Variants in ZNF221 observed in about 807,000 individuals in gnomAD.
ZNF221 encodes zinc finger protein 221.
Under a neutral mutation model 12.6 loss-of-function variants are expected in ZNF221, and 10 were observed. The observed-to-expected ratio is 0.79, with a 90% CI of 0.49 to 1.34. The LOEUF (loss-of-function observed/expected upper bound fraction) is 1.34, where lower values mean the gene tolerates loss of function less well. Ranked by LOEUF, ZNF221 falls within the 40% of genes most tolerant of loss-of-function variation. The pLI, the probability that ZNF221 is intolerant of heterozygous loss-of-function variation, is 0.00. For synonymous variants in ZNF221, 232 were observed against 244.0 expected (o/e 0.95, Z 0.46); for missense variants, 661 against 721.4 (o/e 0.92, Z 0.96).
chr19:43,971,519 C>T (rs454218), downstream of ZNF221, among the ~76,000 whole-genome samples: 117,368 of 151,552 alleles, frequency 0.77, 46,496 homozygotes, highest in Middle Eastern at 0.89. Flanking sequence ...ACCCATCACA[C>T]GTGCAAAGAC....
At position 43,967,510 on chromosome 19, in the gene ZNF221, ACT is replaced by A. The variant is rs1975002825; in HGVS notation, c.*157_*158del. The A allele has an allele frequency of 6.3e-6, 4 of 632,704 alleles. No individual in the cohort carries two copies. The highest frequency in any genetic ancestry group is 3.0e-5 in the Admixed American group (1 of 33,330). 39.2% of individuals were successfully genotyped at this position (632,704 alleles called of 1,614,324 possible). A position where few individuals can be genotyped will look rare whatever the true frequency, so the allele number is the denominator to read the frequency against. On this transcript the variant is annotated 3_prime_UTR_variant, in exon 5 of 5. Coordinates refer to ENST00000587682, the MANE Select transcript of ZNF221 (RefSeq NM_001297588.2). Reference sequence around the variant, plus strand: ...TTTTTTTTTTTTGAGACAGAGTCTCACTCTTTCACCCAGGCCTGACTGCAGTG... The same window carrying A: ...TTTTTTTTTTTTGAGACAGAGTCTCACTTTCACCCAGGCCTGACTGCAGTG...
chr19:43,972,522 A>G (rs548858496), downstream of ZNF221, among the ~76,000 whole-genome samples: 2 of 152,164 alleles, frequency 1.3e-5, no homozygotes, highest in South Asian at 2.1e-4. Context: ...CTAATAAAGA[A>G]GAAAAGAGAG....
chr19:43,956,208 T>C (rs1184028338), intron 1 of ZNF221, among the ~76,000 whole-genome samples: 1 of 152,232 alleles, frequency 6.6e-6, no homozygotes, highest in Non-Finnish European at 1.5e-5. Context: ...TCAGATTCTA[T>C]TCTACACTGT....
intron 1 of ZNF221, chr19:43,960,257 A>G (rs1034708721): frequency 6.6e-6 from 1 of 152,238 alleles, no homozygotes; most frequent in Non-Finnish European, 1.5e-5. Context: ...TGAGCAGCAA[A>G]GCATTCAAGA....
rs141435048 is a variant in ZNF221, at chr19:43,966,809, G to A, written c.1307G>A (p.Arg436Gln). Reference protein sequence around the residue: ...ECGKGFYTNSRRSSHQRSHNG... With the variant: ...ECGKGFYTNSQRSSHQRSHNG... ...GGGAAGGGATTTTATACAAATTCAC[G>A]ACGATCTTCCCATCAGAGATCCCAC... is the stretch of plus-strand genomic sequence containing the variant. Residue 436 changes from arginine to glutamine, a missense_variant, in exon 5 of 5, where the codon CGA becomes CAA. Coordinates refer to ENST00000587682, the MANE Select transcript of ZNF221 (RefSeq NM_001297588.2). 636 of 1,614,158 alleles carry A rather than the reference G, an allele frequency of 3.9e-4. 3 individuals carry two copies. In the African/African-American group the frequency reaches 7.2e-3, roughly 18 times the overall value.
intron 1 of ZNF221, among the ~76,000 whole-genome samples, chr19:43,953,171 G>A (rs1372984376): frequency 2.6e-5 from 4 of 151,204 alleles, no homozygotes; most frequent in Non-Finnish European, 5.9e-5. Context: ...GGCTAGTCTC[G>A]AACTCCTGAC....
chr19:43,952,953 T>TTTTA lies in ZNF221; in HGVS notation c.-3+1562_-3+1565dup, dbSNP rs373256190. ...TAAAGATAGTAACCATTAAGCTTATTTTTATTTATTTAATTCATTTTAAAA... is the reference window on the plus strand; with the variant it reads ...TAAAGATAGTAACCATTAAGCTTATTTTTATTTATTTATTTAATTCATTTTAAAA... On this transcript the variant is annotated intron_variant, in intron 1 of 4. Coordinates refer to ENST00000587682, the MANE Select transcript of ZNF221 (RefSeq NM_001297588.2). 6.1e-4 allele frequency among the ~76,000 whole-genome samples: 93 copies of TTTTA among 152,232 alleles called. 1 individual carries two copies. Among genetic ancestry groups the TTTTA allele is most frequent in the Middle Eastern group, 6.8e-3 (2 of 294 alleles).
the ZNF221 span, among the ~76,000 whole-genome samples, chr19:43,977,696 G>C: frequency 6.6e-6 from 1 of 152,202 alleles, no homozygotes; most frequent in Non-Finnish European, 1.5e-5. Context: ...CTAATTCATA[G>C]TTATACACCA....
chr19:43,962,354 C>T (rs891362676), intron 1 of ZNF221, among the ~76,000 whole-genome samples: 1 of 152,150 alleles, frequency 6.6e-6, no homozygotes, highest in African/African-American at 2.4e-5. Flanking sequence ...CTGGAGCAAC[C>T]ACTAACCTAC....
Position 43,962,725 on chromosome 19 carries a change from G to C in ZNF221, c.-2G>C. 3 of 1,613,812 alleles carry C rather than the reference G, an allele frequency of 1.9e-6. No homozygotes were observed. The Middle Eastern group carries it at 5.0e-4, about 266-fold the overall frequency. ...TTCTGCCTTTCCTGGCACTTTCCAG[G>C]CATGATTTCACCTTCACTTGAACTG... On this transcript the variant is annotated splice_region_variant and 5_prime_UTR_variant, in exon 2 of 5. Transcript: ENST00000587682.
downstream of ZNF221, among the ~76,000 whole-genome samples, chr19:43,971,006 C>T (rs192587943): frequency 7.9e-5 from 12 of 152,232 alleles, no homozygotes; most frequent in African/African-American, 2.6e-4. Flanking sequence ...AAAGGGCAGT[C>T]AGAGAGAATG....
In ZNF221 at chr19:43,966,014, G is replaced by A. The variant is rs541240926; in HGVS notation, c.512G>A (p.Arg171His). Residue 171 changes from arginine to histidine, a missense_variant, in exon 5 of 5, where the codon CGT (arginine) becomes CAT (histidine). Transcript: ENST00000587682. ...AGTCACGTGCAACAGAAACCTTACC[G>A]TTGTAATGAATGTAAACAGTCCTTC... ...SISHVQQKPY[R>H]CNECKQSFSD... 7.1e-5 allele frequency: 115 copies of A among 1,614,156 alleles called. No individual in the cohort carries two copies. Among genetic ancestry groups the A allele is most frequent in the East Asian group, 4.9e-4 (22 of 44,880 alleles).
chr19:43,957,389 T>A (rs1599813813), intron 1 of ZNF221, among the ~76,000 whole-genome samples: 1 of 152,080 alleles, frequency 6.6e-6, no homozygotes, highest in African/African-American at 2.4e-5. Context: ...GCCAGGCTGG[T>A]CTTGAACTCC....
downstream of ZNF221, among the ~76,000 whole-genome samples, chr19:43,968,305 C>T (rs1380273058): frequency 1.3e-5 from 2 of 152,166 alleles, no homozygotes; most frequent in Admixed American, 1.3e-4. Flanking sequence ...AAGAGACAGG[C>T]CTTAGAAAGA....
intron 1 of ZNF221, 110 bp from the exon 2 acceptor site, chr19:43,962,615 T>C (rs1384571154): frequency 1.5e-5 from 16 of 1,067,614 alleles, no homozygotes; most frequent in Non-Finnish European, 2.0e-5. Flanking sequence ...TTATGAGTAA[T>C]GCTGCTATGA....
At chr19:43,962,223 A>T (rs1974856142) in intron 1 of ZNF221, among the ~76,000 whole-genome samples, 1 of 152,148 alleles carries the variant, frequency 6.6e-6, no homozygotes, top group Non-Finnish European at 1.5e-5. Flanking sequence ...GTACGATTTA[A>T]TAATCTTCAG....
intron 2 of ZNF221, among the ~76,000 whole-genome samples, chr19:43,963,083 G>T (rs1974874341): frequency 6.6e-6 from 1 of 152,040 alleles, no homozygotes; most frequent in South Asian, 2.1e-4. Context: ...TTTTTATCTT[G>T]TATTCTTCAT....
At chr19:43,977,902 A>G in the ZNF221 span, among the ~76,000 whole-genome samples, 1 of 152,232 alleles carries the variant, frequency 6.6e-6, no homozygotes, top group Non-Finnish European at 1.5e-5. Context: ...CTGAGACTAT[A>G]GTTGTACTTA....
At chr19:43,972,910 G>A in the ZNF221 span, among the ~76,000 whole-genome samples, 9 of 152,014 alleles carry the variant, frequency 5.9e-5, no homozygotes, top group Non-Finnish European at 1.0e-4. Context: ...TATGAGGCCA[G>A]CATCATCCTG....
Sources: gnomAD v4.1 joint callset for allele counts (sites outside exome capture counted in the v4.1 genomes callset) on GRCh38, gnomAD v4.1.1 for gene constraint, MANE v1.5 for transcripts, NCBI Gene and HGNC (gene_info 2026-07-23, HGNC 2026-07-21) for gene names.